The following ITGB5 variants were observed in gnomAD, a reference collection of about 807,000 sequenced individuals.
ITGB5 encodes integrin beta-5.
Under a neutral mutation model 84.8 loss-of-function variants are expected in ITGB5, and 38 were observed. The observed-to-expected ratio is 0.45, with a 90% CI of 0.35 to 0.59. The LOEUF (loss-of-function observed/expected upper bound fraction) is 0.59. ITGB5 is among the 20% of genes least tolerant of loss of function. The pLI is 0.01. For synonymous variants in ITGB5, 393 were observed against 414.4 expected, an observed-to-expected ratio of 0.95 and a Z score of 0.63; for missense variants, 905 against 1,034.5, an observed-to-expected ratio of 0.87 and a Z score of 1.72.
At chr3:124,886,144 G>A (rs1395371202) in intron 1 of ITGB5, among the ~76,000 whole-genome samples, 1 of 152,210 alleles carries the variant, frequency 6.6e-6, no homozygotes, top group African/African-American at 2.4e-5. Flanking sequence ...GCAGCGTCGG[G>A]CTAAGGCAAT....
intron 11 of ITGB5, 126 bp from the exon 12 acceptor site, chr3:124,769,239 C>T (rs2063808372): frequency 1.4e-6 from 1 of 691,668 alleles, no homozygotes; most frequent in Non-Finnish European, 2.4e-6. Flanking sequence ...GATGTTCAGC[C>T]TCAGGGAATG....
At chr3:124,793,498 T>G (rs1434053347) in intron 10 of ITGB5, among the ~76,000 whole-genome samples, 1 of 152,250 alleles carries the variant, frequency 6.6e-6, no homozygotes, top group East Asian at 1.9e-4. Flanking sequence ...GGGGCCCTCC[T>G]GCACATGGGG....
intron 5 of ITGB5, among the ~76,000 whole-genome samples, chr3:124,829,755 C>T (rs1046751045): frequency 3.9e-5 from 6 of 152,206 alleles, no homozygotes; most frequent in African/African-American, 1.4e-4. Context: ...ATTCCATTGT[C>T]ACTGTCTCCT....
intron 3 of ITGB5, among the ~76,000 whole-genome samples, chr3:124,848,786 A>G (rs1322017863): frequency 2.2e-5 from 1 of 46,264 alleles, no homozygotes; most frequent in African/African-American, 1.4e-4. Context: ...TTTTTATTTT[A>G]TTTTATTTTT....
chr3:124,884,209 AGC>A (rs1934700874), intron 1 of ITGB5, among the ~76,000 whole-genome samples: 1 of 114,750 alleles, frequency 8.7e-6, no homozygotes, highest in African/African-American at 3.7e-5. Context: ...AGGGAAGGGA[AGC>A]AAAAAAAAAA....
At chr3:124,899,712 G>A (rs1935180387) in intron 1 of ITGB5, among the ~76,000 whole-genome samples, 1 of 151,750 alleles carries the variant, frequency 6.6e-6, no homozygotes, top group Non-Finnish European at 1.5e-5. Flanking sequence ...AAAATTAGCT[G>A]GGTGTGGTGG....
intron 1 of ITGB5, among the ~76,000 whole-genome samples, chr3:124,886,679 G>A (rs1256229260): frequency 6.6e-6 from 1 of 151,906 alleles, no homozygotes; most frequent in Admixed American, 6.5e-5. Context: ...CAGCAGGCCG[G>A]CCAGCCTGTT....
At chr3:124,876,042 TAG>T (rs1157956979) in intron 1 of ITGB5, among the ~76,000 whole-genome samples, 5 of 152,098 alleles carry the variant, frequency 3.3e-5, no homozygotes, top group African/African-American at 1.2e-4. Context: ...AAGTTCCAGT[TAG>T]AGAGAATGAA....
At chr3:124,831,167 A>C (rs1426425788) in intron 5 of ITGB5, among the ~76,000 whole-genome samples, 2 of 151,974 alleles carry the variant, frequency 1.3e-5, no homozygotes, top group African/African-American at 4.8e-5. Context: ...TCCTCTGAGG[A>C]TGTGGTTCCC....
intron 11 of ITGB5, among the ~76,000 whole-genome samples, chr3:124,773,319 A>C (rs189105117): frequency 2.4e-4 from 36 of 152,166 alleles, no homozygotes; most frequent in Non-Finnish European, 4.4e-5. Flanking sequence ...AAAAAGATGC[A>C]CACTGTATTC....
intron 8 of ITGB5, among the ~76,000 whole-genome samples, chr3:124,810,835 C>T (rs2064488448): frequency 6.6e-6 from 1 of 152,156 alleles, no homozygotes; most frequent in Non-Finnish European, 1.5e-5. Context: ...TTCCCTCTCC[C>T]TCCTCGGGTA....
At chr3:124,897,312 A>T (rs1935123487) in intron 1 of ITGB5, among the ~76,000 whole-genome samples, 1 of 152,084 alleles carries the variant, frequency 6.6e-6, no homozygotes, top group Admixed American at 6.5e-5. Context: ...AGTCTGATCA[A>T]CCTAGTATGT....
intron 9 of ITGB5, among the ~76,000 whole-genome samples, chr3:124,798,718 G>A (rs527766866): frequency 6.6e-6 from 1 of 152,344 alleles, no homozygotes; most frequent in African/African-American, 2.4e-5. Flanking sequence ...GAGCCACTGC[G>A]CCCGGCCCAC....
Position 124,858,910 on chromosome 3 carries a change from C to T in ITGB5, c.361+332G>A, listed in dbSNP as rs147299426. 8.2e-4 allele frequency among the ~76,000 whole-genome samples: 125 copies of T among 152,266 alleles called. No individual in the cohort carries two copies. In the East Asian group the frequency reaches 0.02, roughly 25 times the overall value. On this transcript the variant is annotated intron_variant, in intron 3 of 14. Transcript: ENST00000296181. ...TCTGTTTAGGACGACGAAAATGTTCCGGAAATAGATACTGCTGATGTTTAT... is the reference window on the plus strand; with the variant it reads ...TCTGTTTAGGACGACGAAAATGTTCTGGAAATAGATACTGCTGATGTTTAT...
At chr3:124,883,852 G>C (rs976214198) in intron 1 of ITGB5, among the ~76,000 whole-genome samples, 8 of 152,184 alleles carry the variant, frequency 5.3e-5, no homozygotes, top group Non-Finnish European at 7.4e-5. Flanking sequence ...CACATCCTAG[G>C]ATTCTGTCTG....
intron 9 of ITGB5, among the ~76,000 whole-genome samples, chr3:124,801,221 C>G (rs1444758763): frequency 6.6e-6 from 1 of 152,202 alleles, no homozygotes; most frequent in Non-Finnish European, 1.5e-5. Flanking sequence ...GCCTCACAGC[C>G]AGCCACTTGC....
chr3:124,886,824 G>T, intron 1 of ITGB5, 107 bp downstream of exon 1: 1 of 599,768 alleles, frequency 1.7e-6, no homozygotes, highest in Non-Finnish European at 2.3e-6. Flanking sequence ...CCCCGAAGGC[G>T]CCCTCCGCCC....
At chr3:124,845,052 T>A (rs2065059242) in intron 4 of ITGB5, among the ~76,000 whole-genome samples, 1 of 152,224 alleles carries the variant, frequency 6.6e-6, no homozygotes, top group Non-Finnish European at 1.5e-5. Context: ...AAACAATTCA[T>A]GAAGGCATGT....
intron 5 of ITGB5, among the ~76,000 whole-genome samples, chr3:124,829,810 T>C (rs2064834408): frequency 6.6e-6 from 1 of 152,178 alleles, no homozygotes; most frequent in South Asian, 2.1e-4. Flanking sequence ...GGCCCACTAA[T>C]AACAAGCCTT....
Sources: allele counts gnomAD v4.1 joint callset (sites outside exome capture counted in the v4.1 genomes callset), GRCh38; gene constraint gnomAD v4.1.1; transcripts MANE v1.5; gene names NCBI Gene and HGNC (gene_info 2026-07-23, HGNC 2026-07-21).